ARHGEF37: variants seen among roughly 807,000 people sequenced by gnomAD.
The protein encoded by ARHGEF37 is Rho guanine nucleotide exchange factor (GEF) 37.
A neutral mutation model predicts 71.1 loss-of-function variants in ARHGEF37; 55 were observed. The observed-to-expected ratio is 0.77, with a 90% CI of 0.62 to 0.97. ARHGEF37 has a LOEUF of 0.97. ARHGEF37 is among the 50% of genes least tolerant of loss of function. The pLI is 0.00. For missense variants in ARHGEF37, 765 were observed against 836.8 expected (o/e 0.91, Z 1.06); for synonymous variants, 327 against 350.6 (o/e 0.93, Z 0.75).
intron 1 of ARHGEF37, among the ~76,000 whole-genome samples, chr5:149,568,105 A>G (rs1762919001): frequency 6.6e-6 from 1 of 151,248 alleles, no homozygotes; most frequent in Non-Finnish European, 1.5e-5. Flanking sequence ...TCCTCTATCT[A>G]TCTATCTATG....
At chr5:149,606,326 G>A (rs1383495609) in intron 3 of ARHGEF37, among the ~76,000 whole-genome samples, 1 of 152,212 alleles carries the variant, frequency 6.6e-6, no homozygotes, top group Non-Finnish European at 1.5e-5. Flanking sequence ...TCTCCTGGGA[G>A]TTCTTGCTAG....
chr5:149,618,228 C>T lies in ARHGEF37; in HGVS notation c.711C>T (p.Arg237=), dbSNP rs1451454958. ...EQLTLRERLA[R]INTHTLSKKT... is the part of the protein sequence containing the mutation. ...TGACCCTCCGGGAGCGGCTGGCCCGCATCAACACACACACCCTCTCCAAGA... is the reference window on the plus strand; with the variant it reads ...TGACCCTCCGGGAGCGGCTGGCCCGTATCAACACACACACCCTCTCCAAGA... The change falls in exon 6 of 13, where the codon CGC becomes CGT. Residue 237 remains arginine, a synonymous_variant. Transcript: ENST00000333677. The T allele has an allele frequency of 3.7e-6, 6 of 1,614,230 alleles. No individual in the cohort carries two copies. Among genetic ancestry groups the T allele is most frequent in the Non-Finnish European group, 5.1e-6 (6 of 1,180,032 alleles).
intron 1 of ARHGEF37, among the ~76,000 whole-genome samples, chr5:149,595,940 G>C (rs1763532020): frequency 7.0e-6 from 1 of 143,440 alleles, no homozygotes; most frequent in Admixed American, 6.7e-5. Flanking sequence ...TGTGTGGATA[G>C]CTGCATTTTT....
At chr5:149,584,575 G>A (rs979129958) in intron 1 of ARHGEF37, among the ~76,000 whole-genome samples, 11 of 151,650 alleles carry the variant, frequency 7.3e-5, no homozygotes, top group Non-Finnish European at 1.6e-4. Flanking sequence ...TTCTAATTTT[G>A]ACTATAAACT....
intron 1 of ARHGEF37, among the ~76,000 whole-genome samples, chr5:149,563,442 G>A (rs1177230453): frequency 6.6e-6 from 1 of 152,180 alleles, no homozygotes; most frequent in Non-Finnish European, 1.5e-5. Context: ...ATGTTTTGAT[G>A]ATTTGTGGCT....
chr5:149,601,267 T>G, intron 3 of ARHGEF37, 36 bp downstream of exon 3: 1 of 1,599,886 alleles, frequency 6.3e-7, no homozygotes, highest in South Asian at 1.1e-5. Context: ...CAGCCTTAGA[T>G]TCTCATGGAA....
At chr5:149,603,231 C>T (rs937970914) in intron 3 of ARHGEF37, among the ~76,000 whole-genome samples, 2 of 152,126 alleles carry the variant, frequency 1.3e-5, no homozygotes, top group African/African-American at 4.8e-5. Context: ...CCGTGCCTGG[C>T]CTAAATACGC....
Position 149,618,939 on chromosome 5 carries a change from C to T in ARHGEF37, c.791C>T (p.Thr264Ile). Residue 264 changes from threonine to isoleucine, a missense_variant and splice_region_variant, in exon 7 of 13, where the codon ACA becomes ATA. Coordinates refer to ENST00000333677, the MANE Select transcript of ARHGEF37 (RefSeq NM_001001669.3). ...LKQEAGLIPR[T>I]EDKEFDDLEE... ...AACCCTCACACACATTACTTTCAGA[C>T]AGAAGACAAGGAATTTGATGATTTA... 6.2e-7 allele frequency: 1 copy of T among 1,612,850 alleles called. No individual in the cohort carries two copies. The highest frequency in any genetic ancestry group is 1.1e-5 in the South Asian group (1 of 91,052).
upstream of ARHGEF37, among the ~76,000 whole-genome samples, chr5:149,577,830 T>C (rs947870259): frequency 1.3e-5 from 2 of 152,240 alleles, no homozygotes; most frequent in African/African-American, 4.8e-5. Context: ...TGGATCTCAT[T>C]CATGGAAGCC....
upstream of ARHGEF37, chr5:149,581,419 C>G (rs941420658): frequency 2.0e-5 from 3 of 152,230 alleles, no homozygotes; most frequent in East Asian, 5.8e-4. Context: ...TTAACAAAGG[C>G]TGGAGACCAG....
intron 1 of ARHGEF37, among the ~76,000 whole-genome samples, chr5:149,554,516 A>G (rs1398432662): frequency 1.3e-5 from 2 of 152,156 alleles, no homozygotes; most frequent in East Asian, 1.9e-4. Flanking sequence ...CCTGCCTGCT[A>G]TAGTCACCAT....
At chr5:149,558,691 ATGTGTGTGTGTGTGTGTGTGTG>A (rs58959997) in intron 1 of ARHGEF37, among the ~76,000 whole-genome samples, 7 of 128,080 alleles carry the variant, frequency 5.5e-5, no homozygotes, top group South Asian at 4.6e-4. Context: ...CCATATATAT[ATGTGTGTGTGTGTGTGTGTGTG>A]TGTGTGTGTG....
chr5:149,598,366 T>TTCC (rs1763632917), intron 2 of ARHGEF37, among the ~76,000 whole-genome samples: 1 of 115,154 alleles, frequency 8.7e-6, no homozygotes, highest in Admixed American at 1.1e-4. Context: ...CCTCTTCCTC[T>TTCC]TCTTCCTCTT....
Position 149,605,104 on chromosome 5 carries a change from G to A in ARHGEF37, c.310+3873G>A, listed in dbSNP as rs887519827. ...TAGTCGGGCGTGTTGGTGGGTGCCT[G>A]TAATCTCAGCTACTTGGGAGGCTGT... On this transcript the variant is annotated intron_variant, in intron 3 of 12. Transcript: ENST00000333677. 2.0e-5 allele frequency among the ~76,000 whole-genome samples: 3 copies of A among 151,358 alleles called. 1 individual carries two copies. In the South Asian group the frequency reaches 6.3e-4, roughly 32 times the overall value.
At chr5:149,594,156 A>G (rs1232015176) in intron 1 of ARHGEF37, among the ~76,000 whole-genome samples, 1 of 152,218 alleles carries the variant, frequency 6.6e-6, no homozygotes. Context: ...ACATGCTGCT[A>G]CAGAGAGGTT....
chr5:149,593,376 A>G (rs534467593), intron 1 of ARHGEF37, among the ~76,000 whole-genome samples: 2 of 152,334 alleles, frequency 1.3e-5, no homozygotes, highest in Admixed American at 6.5e-5. Flanking sequence ...ATCTGTTTCT[A>G]TAGATTAGCT....
At chr5:149,562,390 G>A (rs1305038732) in intron 1 of ARHGEF37, among the ~76,000 whole-genome samples, 1 of 152,178 alleles carries the variant, frequency 6.6e-6, no homozygotes, top group East Asian at 1.9e-4. Flanking sequence ...TCCATCGTAG[G>A]TGTGAGGAAG....
chr5:149,577,474 T>G (rs1763040131), upstream of ARHGEF37, among the ~76,000 whole-genome samples: 1 of 152,220 alleles, frequency 6.6e-6, no homozygotes, highest in Admixed American at 6.5e-5. Flanking sequence ...CTTACCTCTT[T>G]CTTCTCAACC....
intron 4 of ARHGEF37, among the ~76,000 whole-genome samples, chr5:149,615,445 A>G (rs1752348357): frequency 6.6e-6 from 1 of 152,098 alleles, no homozygotes; most frequent in South Asian, 2.1e-4. Flanking sequence ...TGTGATAGAT[A>G]CATACCCACC....
Sources: allele counts gnomAD v4.1 joint callset (sites outside exome capture counted in the v4.1 genomes callset), GRCh38; gene constraint gnomAD v4.1.1; transcripts MANE v1.5; gene names NCBI Gene and HGNC (gene_info 2026-07-23, HGNC 2026-07-21).